TRPM3: variants seen among roughly 807,000 people sequenced by gnomAD.
TRPM3 encodes the protein long transient receptor potential channel 3.
Under a neutral mutation model 181.2 loss-of-function variants are expected in TRPM3, and 77 were observed. The observed-to-expected ratio is 0.42, with a 90% CI of 0.35 to 0.51. The LOEUF is 0.51. TRPM3 is among the 20% of genes least tolerant of loss of function. The pLI, the probability that TRPM3 is intolerant of heterozygous loss-of-function variation, is 0.01. For missense variants in TRPM3, 1,759 were observed against 2,196.7 expected (o/e 0.80, Z 3.98); for synonymous variants, 745 against 796.4 (o/e 0.94, Z 1.09).
intron 1 of TRPM3, among the ~76,000 whole-genome samples, chr9:71,026,748 A>T (rs1015376523): frequency 2.6e-5 from 4 of 152,166 alleles, no homozygotes; most frequent in African/African-American, 9.7e-5. Flanking sequence ...CCTGCACCCT[A>T]AGCGGCCACC....
intron 1 of TRPM3, among the ~76,000 whole-genome samples, chr9:71,411,849 A>G (rs1193652554): frequency 6.6e-6 from 1 of 152,220 alleles, no homozygotes; most frequent in Non-Finnish European, 1.5e-5. Flanking sequence ...TTCAAACTAT[A>G]CTACAAGGCT....
intron 8 of TRPM3, among the ~76,000 whole-genome samples, chr9:70,686,164 A>G (rs945822196): frequency 6.6e-6 from 1 of 151,884 alleles, no homozygotes; most frequent in Non-Finnish European, 1.5e-5. Context: ...ACACATACGT[A>G]TGTAAAACCA....
At chr9:70,596,745 A>T (rs2059111166) in intron 21 of TRPM3, among the ~76,000 whole-genome samples, 1 of 151,780 alleles carries the variant, frequency 6.6e-6, no homozygotes, top group Non-Finnish European at 1.5e-5. Context: ...CTATTGACTA[A>T]TCATTGGTTT....
intron 1 of TRPM3, among the ~76,000 whole-genome samples, chr9:70,952,190 TAGCAGCAAGTTTTATTGCTCATTTTAC>T (rs1179439919): frequency 5.3e-5 from 8 of 152,220 alleles, no homozygotes; most frequent in African/African-American, 1.9e-4. Flanking sequence ...GATTTTTCTT[TAGCAGCAAGTTTTATTGCTCATTTTAC>T]AGCCTGATTC....
chr9:70,641,593 T>C (rs1300756633), intron 9 of TRPM3, among the ~76,000 whole-genome samples: 1 of 152,204 alleles, frequency 6.6e-6, no homozygotes, highest in Non-Finnish European at 1.5e-5. Flanking sequence ...GGTGGCTAAG[T>C]TTAAATTAAT....
At chr9:71,243,964 A>AGGGGACATCAGGTGAACAGGCT (rs2081882589) in intron 1 of TRPM3, among the ~76,000 whole-genome samples, 1 of 152,184 alleles carries the variant, frequency 6.6e-6, no homozygotes, top group African/African-American at 2.4e-5. Flanking sequence ...CCCACACTGC[A>AGGGGACATCAGGTGAACAGGCT]GGGGACATCA....
chr9:71,395,659 T>A (rs2093173104), intron 1 of TRPM3, among the ~76,000 whole-genome samples: 1 of 152,258 alleles, frequency 6.6e-6, no homozygotes, highest in African/African-American at 2.4e-5. Flanking sequence ...CTTGTTTCAA[T>A]CTTTTGAAAG....
At chr9:71,033,618 G>T (rs919671511) in intron 1 of TRPM3, among the ~76,000 whole-genome samples, 1 of 152,108 alleles carries the variant, frequency 6.6e-6, no homozygotes, top group Non-Finnish European at 1.5e-5. Context: ...AGTGGCGATG[G>T]ATTAAATAAA....
chr9:71,082,441 A>G (rs1308941140), intron 1 of TRPM3, among the ~76,000 whole-genome samples: 1 of 152,178 alleles, frequency 6.6e-6, no homozygotes, highest in Non-Finnish European at 1.5e-5. Flanking sequence ...AGCATAAGGA[A>G]TAAAGGGAGG....
At chr9:70,935,896 C>T (rs1307328762) in intron 1 of TRPM3, among the ~76,000 whole-genome samples, 1 of 152,156 alleles carries the variant, frequency 6.6e-6, no homozygotes, top group Non-Finnish European at 1.5e-5. Context: ...TGCTTTAAAG[C>T]TTCAAGGCTT....
At chr9:71,130,464 A>G (rs1049943897) in intron 1 of TRPM3, among the ~76,000 whole-genome samples, 1 of 152,178 alleles carries the variant, frequency 6.6e-6, no homozygotes, top group Non-Finnish European at 1.5e-5. Context: ...CCATATAAGT[A>G]AAATTATATG....
At chr9:70,990,489 A>C (rs576566370) in intron 1 of TRPM3, among the ~76,000 whole-genome samples, 1 of 152,302 alleles carries the variant, frequency 6.6e-6, no homozygotes, top group Non-Finnish European at 1.5e-5. Flanking sequence ...ATGAGATAAA[A>C]AGGTCTTGAA....
intron 1 of TRPM3, among the ~76,000 whole-genome samples, chr9:71,089,015 G>A (rs556192): frequency 1 from 149,905 of 150,310 alleles, 74,750 homozygotes; most frequent in Middle Eastern, 1. Flanking sequence ...TAATCATGGT[G>A]CTATATTAGC....
At chr9:71,108,228 A>C (rs1043862138) in intron 1 of TRPM3, among the ~76,000 whole-genome samples, 7 of 152,218 alleles carry the variant, frequency 4.6e-5, no homozygotes, top group African/African-American at 1.7e-4. Flanking sequence ...TATATTAGCA[A>C]AAGGTATAGA....
intron 1 of TRPM3, among the ~76,000 whole-genome samples, chr9:71,036,858 T>G (rs999263541): frequency 6.6e-6 from 1 of 152,202 alleles, no homozygotes; most frequent in African/African-American, 2.4e-5. Flanking sequence ...ACACATGTAC[T>G]CAAATATGAG....
At chr9:71,364,930 G>T (rs1304878518) in intron 1 of TRPM3, among the ~76,000 whole-genome samples, 1 of 151,914 alleles carries the variant, frequency 6.6e-6, no homozygotes, top group Non-Finnish European at 1.5e-5. Flanking sequence ...TTCTTTTTTG[G>T]AAAGAAAATA....
chr9:71,068,125 A>G (rs1384703820), intron 1 of TRPM3, among the ~76,000 whole-genome samples: 2 of 152,170 alleles, frequency 1.3e-5, no homozygotes, highest in African/African-American at 4.8e-5. Flanking sequence ...CCCCATTCTT[A>G]TGATTCCTGA....
chr9:71,216,554 A>G (rs1244372296), intron 1 of TRPM3, among the ~76,000 whole-genome samples: 1 of 152,254 alleles, frequency 6.6e-6, no homozygotes, highest in African/African-American at 2.4e-5. Flanking sequence ...AGACACACAC[A>G]GGAAATGAAA....
intron 1 of TRPM3, among the ~76,000 whole-genome samples, chr9:70,872,874 C>T (rs1174986927): frequency 2.6e-5 from 4 of 151,854 alleles, no homozygotes; most frequent in Admixed American, 2.6e-4. Flanking sequence ...ATCAGGTTGA[C>T]CAGCATTTCC....
Sources: gnomAD v4.1 joint callset for allele counts (sites outside exome capture counted in the v4.1 genomes callset) on GRCh38, gnomAD v4.1.1 for gene constraint, MANE v1.5 for transcripts, NCBI Gene and HGNC (gene_info 2026-07-23, HGNC 2026-07-21) for gene names.